CFAP20DC: variants seen among roughly 807,000 people sequenced by gnomAD.
CFAP20DC encodes the protein protein CFAP20DC.
Under a neutral mutation model 101.7 loss-of-function variants are expected in CFAP20DC, and 84 were observed. The observed-to-expected ratio is 0.83, with a 90% CI of 0.69 to 0.99. The LOEUF (loss-of-function observed/expected upper bound fraction) is 0.99, where lower values mean the gene tolerates loss of function less well. CFAP20DC is among the 50% of genes least tolerant of loss of function. The pLI is 0.00. For missense variants in CFAP20DC, 1,007 were observed against 970.3 expected, an observed-to-expected ratio of 1.04 and a Z score of -0.50; for synonymous variants, 359 against 351.2, an observed-to-expected ratio of 1.02 and a Z score of -0.25.
chr3:59,002,056 A>C lies in CFAP20DC; in HGVS notation c.278+37501T>G, dbSNP rs1322088399. Among the ~76,000 whole-genome samples, 7 of 152,204 alleles carry C rather than the reference A, an allele frequency of 4.6e-5. No individual in the cohort carries two copies. The highest frequency in any genetic ancestry group is 1.7e-4 in the African/African-American group (7 of 41,454). On this transcript the variant is annotated intron_variant, in intron 4 of 16. Coordinates refer to ENST00000482387, the MANE Select transcript of CFAP20DC (RefSeq NM_001394063.1). This position sits in a 1 kb window ranked among gnomAD's most constrained non-coding sequence, Gnocchi z 4.5. ...TGGCCACCATCTTAATCGTTTACCT[A>C]GGAGGCAATATCATGAAGTTAAAAG...
intron 14 of CFAP20DC, among the ~76,000 whole-genome samples, chr3:58,811,843 C>T (rs947768988): frequency 2.7e-5 from 4 of 149,878 alleles, no homozygotes; most frequent in East Asian, 2.1e-4. Context: ...TACAATGAGC[C>T]CAAACAAATT....
At chr3:58,841,193 C>A (rs1207727291) in intron 13 of CFAP20DC, among the ~76,000 whole-genome samples, 1 of 152,162 alleles carries the variant, frequency 6.6e-6, no homozygotes, top group African/African-American at 2.4e-5. Flanking sequence ...ACCTGACTCT[C>A]AAACAGGTGT....
chr3:58,758,756 C>T (rs2107324643), intron 15 of CFAP20DC, among the ~76,000 whole-genome samples: 1 of 152,138 alleles, frequency 6.6e-6, no homozygotes, highest in East Asian at 1.9e-4. Flanking sequence ...TCTCATTGTT[C>T]AATTCCCACC....
chr3:58,999,843 T>TA (rs565894929), intron 4 of CFAP20DC, among the ~76,000 whole-genome samples: 3,794 of 76,636 alleles, frequency 0.05, 73 homozygotes, highest in Middle Eastern at 0.098. Flanking sequence ...GTCACTAATG[T>TA]AAAAAAAAAA....
At chr3:58,765,025 A>C (rs1483115098) in intron 15 of CFAP20DC, among the ~76,000 whole-genome samples, 1 of 152,212 alleles carries the variant, frequency 6.6e-6, no homozygotes, top group Non-Finnish European at 1.5e-5. Context: ...AGATTGATTT[A>C]ATACTAAAAT....
intron 13 of CFAP20DC, 39 bp from the exon 14 acceptor site, chr3:58,831,928 C>A: frequency 6.4e-7 from 1 of 1,564,158 alleles, no homozygotes; most frequent in Non-Finnish European, 8.8e-7. Context: ...GGTCATTTGG[C>A]CTAATTCTAC....
intron 4 of CFAP20DC, among the ~76,000 whole-genome samples, chr3:58,997,450 A>C (rs529388308): frequency 6.6e-6 from 1 of 152,344 alleles, no homozygotes; most frequent in South Asian, 2.1e-4. Flanking sequence ...TCGCCATTTA[A>C]GAGTTGAGAG....
chr3:58,888,490 G>A (rs2081858386), intron 6 of CFAP20DC, among the ~76,000 whole-genome samples: 1 of 152,012 alleles, frequency 6.6e-6, no homozygotes, highest in Non-Finnish European at 1.5e-5. Flanking sequence ...AAGGTGGCTC[G>A]CTGCACAGAC....
At chr3:58,900,919 A>G (rs1466415517) in intron 6 of CFAP20DC, among the ~76,000 whole-genome samples, 1 of 152,240 alleles carries the variant, frequency 6.6e-6, no homozygotes, top group South Asian at 2.1e-4. Context: ...TTTAACACAT[A>G]TGTAAAGCAC....
chr3:58,834,592 C>T (rs1268462417), intron 13 of CFAP20DC, among the ~76,000 whole-genome samples: 1 of 152,068 alleles, frequency 6.6e-6, no homozygotes, highest in South Asian at 2.1e-4. Flanking sequence ...AAAATCTAAG[C>T]CTGGGCCTTC....
Position 58,724,764 on chromosome 3 carries a change from GTCTCT to G in CFAP20DC, c.198-7141_198-7137del, listed in dbSNP as rs1009844649. Among the ~76,000 whole-genome samples the G allele has an allele frequency of 1.4e-4, 22 of 152,082 alleles. No individual in the cohort carries two copies. Among genetic ancestry groups the G allele is most frequent in the African/African-American group, 5.3e-4 (22 of 41,424 alleles). Reference sequence around the variant, plus strand: ...TCCCACCTTTATGAACTCTTAACCTGTCTCTTCTCAATCCTTTGTCGCCACCGGAC... The same window carrying G: ...TCCCACCTTTATGAACTCTTAACCTGTCTCAATCCTTTGTCGCCACCGGAC... On this transcript the variant is annotated intron_variant, in intron 3 of 3. Coordinates refer to the CFAP20DC transcript ENST00000486145. The surrounding 1 kb of genome is among the most constrained non-coding windows in gnomAD (Gnocchi z 5.6).
chr3:59,012,463 G>A (rs529525683), intron 4 of CFAP20DC, among the ~76,000 whole-genome samples: 3 of 151,716 alleles, frequency 2.0e-5, no homozygotes, highest in South Asian at 2.1e-4. Flanking sequence ...GATAGTTTCC[G>A]GATCCTACCA....
intron 4 of CFAP20DC, among the ~76,000 whole-genome samples, chr3:58,950,522 T>A (rs1167432741): frequency 6.6e-6 from 1 of 152,200 alleles, no homozygotes; most frequent in East Asian, 1.9e-4. Context: ...ACTACAAGGC[T>A]ACAGTAACCA....
At chr3:58,991,532 T>C (rs978405545) in intron 4 of CFAP20DC, among the ~76,000 whole-genome samples, 2 of 152,188 alleles carry the variant, frequency 1.3e-5, no homozygotes, top group Non-Finnish European at 2.9e-5. Context: ...CCAACCTTTT[T>C]GGCACCAGAG....
rs2090021960 is a variant in CFAP20DC, at chr3:58,950,869, A to C, written c.279-13107T>G. Among the ~76,000 whole-genome samples, 3 of 152,198 alleles carry C rather than the reference A, an allele frequency of 2.0e-5. No individual in the cohort carries two copies. The South Asian group carries it at 6.2e-4, about 32-fold the overall frequency. ...GGCATGGGCAAGGACTTCATGTCTA[A>C]AACACCAAAAGCAATGGCAACAAAA... On this transcript the variant is annotated intron_variant, in intron 4 of 16. Transcript: ENST00000482387.
chr3:58,920,118 T>C (rs2107524312), intron 5 of CFAP20DC, among the ~76,000 whole-genome samples: 1 of 140,014 alleles, frequency 7.1e-6, no homozygotes, highest in Admixed American at 7.6e-5. Flanking sequence ...CTTTGCTCTG[T>C]AGCCCAGGCT....
In CFAP20DC at chr3:58,783,671, C is replaced by T. The variant is rs111625070; in HGVS notation, c.2237+22724G>A. Among the ~76,000 whole-genome samples the T allele has an allele frequency of 2.7e-3, 418 of 152,010 alleles. 1 individual carries two copies. Among genetic ancestry groups the T allele is most frequent in the African/African-American group, 9.6e-3 (397 of 41,480 alleles). ...TATTTTTCAAAAGAAGACATACAAACGGCCAACAGATATATGAAAAAGTAC... is the reference window on the plus strand; with the variant it reads ...TATTTTTCAAAAGAAGACATACAAATGGCCAACAGATATATGAAAAAGTAC... On this transcript the variant is annotated intron_variant, in intron 15 of 16. Transcript: ENST00000482387.
At chr3:59,039,379 CTA>C (rs2094157703) in intron 4 of CFAP20DC, among the ~76,000 whole-genome samples, 176 bp downstream of exon 4, 1 of 152,130 alleles carries the variant, frequency 6.6e-6, no homozygotes, top group Admixed American at 6.5e-5. Flanking sequence ...AAATGCCAGA[CTA>C]TAGTGATATC....
At chr3:58,891,220 G>A (rs1033385375) in intron 6 of CFAP20DC, among the ~76,000 whole-genome samples, 4 of 151,968 alleles carry the variant, frequency 2.6e-5, no homozygotes, top group Non-Finnish European at 4.4e-5. Context: ...GTTAGGGGCT[G>A]GAGACCGGCC....
Sources: allele counts gnomAD v4.1 joint callset (sites outside exome capture counted in the v4.1 genomes callset), GRCh38; gene constraint gnomAD v4.1.1; non-coding constraint Gnocchi (gnomAD v3.1); transcripts MANE v1.5; gene names NCBI Gene and HGNC (gene_info 2026-07-23, HGNC 2026-07-21).